Variants in CDH8 observed in about 807,000 individuals in gnomAD.
CDH8 encodes cadherin 8.
A neutral mutation model predicts 68.1 loss-of-function variants in CDH8; 17 were observed. The observed-to-expected ratio is 0.25, with a 90% CI of 0.17 to 0.37. The LOEUF is 0.37. Ranked by LOEUF, CDH8 falls within the 10% of genes least tolerant of loss-of-function variation. The pLI is 1.00. For synonymous variants in CDH8, 372 were observed against 365.1 expected, an observed-to-expected ratio of 1.02 and a Z score of -0.21; for missense variants, 763 against 999.3, an observed-to-expected ratio of 0.76 and a Z score of 3.19.
chr16:61,667,955 A>C (rs1963713325), intron 10 of CDH8, among the ~76,000 whole-genome samples: 1 of 152,034 alleles, frequency 6.6e-6, no homozygotes, highest in Non-Finnish European at 1.5e-5. Flanking sequence ...TCAAAAAACA[A>C]GGGAACATAG....
At chr16:61,696,049 A>G (rs1029893099) in intron 10 of CDH8, among the ~76,000 whole-genome samples, 1 of 152,206 alleles carries the variant, frequency 6.6e-6, no homozygotes, top group African/African-American at 2.4e-5. Context: ...TCTCACAATG[A>G]CATATTGCAA....
intron 3 of CDH8, among the ~76,000 whole-genome samples, chr16:61,858,339 A>G (rs1483017281): frequency 6.6e-6 from 1 of 152,210 alleles, no homozygotes; most frequent in Non-Finnish European, 1.5e-5. Context: ...GAACATAAAC[A>G]TAAGAAAAGG....
chr16:61,712,347 AGT>A (rs1404506327), intron 10 of CDH8, among the ~76,000 whole-genome samples: 3 of 151,722 alleles, frequency 2.0e-5, no homozygotes, highest in Non-Finnish European at 4.4e-5. Flanking sequence ...CCACACAAGA[AGT>A]GTATCTTGAA....
At chr16:61,788,527 T>C (rs1961293880) in intron 8 of CDH8, among the ~76,000 whole-genome samples, 1 of 152,086 alleles carries the variant, frequency 6.6e-6, no homozygotes, top group Admixed American at 6.6e-5. Context: ...TGTTTTTTGC[T>C]AGGAAATAAA....
intron 2 of CDH8, among the ~76,000 whole-genome samples, chr16:61,903,482 C>T (rs1247660219): frequency 6.6e-6 from 1 of 152,180 alleles, no homozygotes; most frequent in Non-Finnish European, 1.5e-5. Flanking sequence ...CGCCACGGCG[C>T]CCGGCTAATT....
chr16:61,726,509 A>C (rs1201231601), intron 9 of CDH8: 2 of 126,990 alleles, frequency 1.6e-5, no homozygotes, highest in Admixed American at 8.3e-5. Flanking sequence ...CACTTTCTTT[A>C]TGTTTCTTTT....
At chr16:61,999,336 A>G (rs1965854813) in intron 2 of CDH8, among the ~76,000 whole-genome samples, 1 of 152,170 alleles carries the variant, frequency 6.6e-6, no homozygotes, top group Admixed American at 6.5e-5. Context: ...CTAGGGTTTC[A>G]CAGCTTTTGG....
At chr16:61,798,279 C>T (rs1961543251) in intron 7 of CDH8, among the ~76,000 whole-genome samples, 1 of 152,076 alleles carries the variant, frequency 6.6e-6, no homozygotes, top group Non-Finnish European at 1.5e-5. Context: ...TTAGTGACTG[C>T]CCCTTAGTGC....
At chr16:61,810,943 G>A (rs1289273731) in intron 7 of CDH8, among the ~76,000 whole-genome samples, 1 of 148,830 alleles carries the variant, frequency 6.7e-6, no homozygotes. Flanking sequence ...AGAATTGCTT[G>A]AACCCAAGAG....
At position 61,649,192 on chromosome 16, in the gene CDH8, C is replaced by T. The variant is rs1458229098; in HGVS notation, c.*4416G>A. 1 of 151,868 alleles carries T rather than the reference C, an allele frequency of 6.6e-6. No individual in the cohort carries two copies. The highest frequency in any genetic ancestry group is 1.5e-5 in the Non-Finnish European group (1 of 67,926). The allele number at this position is 151,868 out of a possible 1,614,324, so 9.4% of individuals were successfully genotyped here. ...GTCTAAGTACAGCCTCACAACGTGA[C>T]ATATTTAATTCTAATCCCAGGTATT... On this transcript the variant is annotated 3_prime_UTR_variant, in exon 12 of 12. Coordinates refer to ENST00000577390, the MANE Select transcript of CDH8 (RefSeq NM_001796.5).
intron 3 of CDH8, among the ~76,000 whole-genome samples, chr16:61,864,036 G>C (rs183436958): frequency 8.8e-4 from 134 of 152,258 alleles, no homozygotes; most frequent in African/African-American, 3.1e-3. Flanking sequence ...TGGGAGCACA[G>C]GGGTTGCCAT....
intron 7 of CDH8, among the ~76,000 whole-genome samples, chr16:61,813,859 T>C (rs574796893): frequency 6.6e-6 from 1 of 152,206 alleles, no homozygotes; most frequent in Non-Finnish European, 1.5e-5. Flanking sequence ...TCCTGATATA[T>C]ACCAAGCACT....
intron 4 of CDH8, among the ~76,000 whole-genome samples, chr16:61,828,679 C>A (rs1962393880): frequency 6.6e-6 from 1 of 151,798 alleles, no homozygotes; most frequent in South Asian, 2.1e-4. Flanking sequence ...GTTCAAGGGT[C>A]AACCATATAT....
At chr16:62,020,506 A>G (rs1011369048) in intron 2 of CDH8, among the ~76,000 whole-genome samples, 111 of 150,748 alleles carry the variant, frequency 7.4e-4, no homozygotes, top group African/African-American at 2.1e-3. Flanking sequence ...GCGCACACAC[A>G]CACACACACA....
At chr16:61,662,168 G>A (rs1656492495) in intron 10 of CDH8, among the ~76,000 whole-genome samples, 1 of 143,648 alleles carries the variant, frequency 7.0e-6, no homozygotes, top group African/African-American at 2.6e-5. Flanking sequence ...AGTCATATAA[G>A]TGATAGTATC....
chr16:61,825,034 G>A lies in CDH8; in HGVS notation c.813C>T (p.Asp271=). The A allele has an allele frequency of 1.2e-6, 2 of 1,611,616 alleles. No individual in the cohort carries two copies. Among genetic ancestry groups the A allele is most frequent in the Non-Finnish European group, 8.5e-7 (1 of 1,178,510 alleles). Residue 271 remains aspartate, a synonymous_variant, in exon 5 of 12, where the codon GAC becomes GAT. Transcript: ENST00000577390. ...TACTCTGTGCAAATTTTGGAGGATT[G>A]TCATTAACATCAGTAAGAGTCACTG... ...TLTVTLTDVN[D]NPPKFAQSLY... is the part of the protein sequence containing the mutation.
intron 4 of CDH8, among the ~76,000 whole-genome samples, chr16:61,835,196 T>C (rs1245580284): frequency 6.6e-6 from 1 of 151,918 alleles, no homozygotes; most frequent in Non-Finnish European, 1.5e-5. Context: ...TGCTATAGAA[T>C]AGCGGGCTTG....
At position 61,960,045 on chromosome 16, in the gene CDH8, A is replaced by ATGTG. The variant is rs1424854996; in HGVS notation, c.253-58573_253-58572insCACA. Among the ~76,000 whole-genome samples the ATGTG allele has an allele frequency of 1.5e-5, 2 of 133,122 alleles. 1 individual carries two copies. The highest frequency in any genetic ancestry group is 5.4e-5 in the African/African-American group (2 of 37,110). The allele number at this position is 133,122 out of a possible 152,430, so 87.3% of individuals were successfully genotyped here. ...ACATACACACACACACACAACATAT[A>ATGTG]TGTATGTATGTGTGTGTGTATACAC... is the stretch of plus-strand genomic sequence containing the variant. On this transcript the variant is annotated intron_variant, in intron 2 of 11. Transcript: ENST00000577390.
At chr16:61,771,460 T>A (rs1237596815) in intron 8 of CDH8, among the ~76,000 whole-genome samples, 1 of 138,312 alleles carries the variant, frequency 7.2e-6, no homozygotes. Context: ...CAAGCTGTAT[T>A]TAAAAGCCAG....
Sources: gnomAD v4.1 joint callset for allele counts (sites outside exome capture counted in the v4.1 genomes callset) on GRCh38, gnomAD v4.1.1 for gene constraint, MANE v1.5 for transcripts, NCBI Gene and HGNC (gene_info 2026-07-23, HGNC 2026-07-21) for gene names.